ZNF195: variants seen among roughly 807,000 people sequenced by gnomAD.
The protein encoded by ZNF195 is zinc finger protein 195.
A neutral mutation model predicts 19.5 loss-of-function variants in ZNF195; 11 were observed. That is an observed-to-expected ratio of 0.57 (90% CI 0.36 to 0.94). ZNF195 has a LOEUF of 0.94. ZNF195 is among the 40% of genes least tolerant of loss of function. ZNF195 has a pLI of 0.01. For synonymous variants in ZNF195, 214 were observed against 248.1 expected, an observed-to-expected ratio of 0.86 and a Z score of 1.29; for missense variants, 582 against 709.0, an observed-to-expected ratio of 0.82 and a Z score of 2.03.
chr11:3,362,567 T>G lies in ZNF195; in HGVS notation c.227-678A>C. On this transcript the variant is annotated intron_variant, in intron 3 of 5. Coordinates refer to ENST00000399602, the MANE Select transcript of ZNF195 (RefSeq NM_001130520.3). The stretch of plus-strand genomic sequence containing the variant: ...ATACCTTGTTGTAACTTTAAGATGT[T>G]TTATATAATTTCCATGGTAACCACA... 8.3e-6 allele frequency: 5 copies of G among 600,712 alleles called. No individual in the cohort carries two copies. The East Asian group carries it at 1.4e-4, about 17-fold the overall frequency. 37.2% of individuals were successfully genotyped at this position (600,712 alleles called of 1,614,324 possible). A position where few individuals can be genotyped will look rare whatever the true frequency, so the allele number is the denominator to read the frequency against.
chr11:3,360,154 G>C lies in ZNF195; in HGVS notation c.854C>G (p.Ser285Ter). The C allele has an allele frequency of 1.2e-6, 2 of 1,613,988 alleles. No individual in the cohort carries two copies. The highest frequency in any genetic ancestry group is 1.7e-6 in the Non-Finnish European group (2 of 1,179,944). ...GECGKTFIQC[S>*]HFTEPENIDT... The stretch of plus-strand genomic sequence containing the variant: ...AATGTTCTCAGGTTCAGTAAAGTGT[G>C]AGCACTGGATAAAGGTTTTGCCACA... The change falls in exon 6 of 6, where the codon TCA becomes TGA. Residue 285 changes from serine to a stop codon, truncating the protein, a stop_gained. Coordinates refer to ENST00000399602, the MANE Select transcript of ZNF195 (RefSeq NM_001130520.3). LOFTEE classifies it low-confidence loss of function (END_TRUNC).
intron 4 of ZNF195, 54 bp from the exon 5 acceptor site, chr11:3,360,842 C>T: frequency 6.8e-7 from 1 of 1,464,782 alleles, no homozygotes; most frequent in Non-Finnish European, 9.3e-7. Flanking sequence ...ACTGCAGCCC[C>T]CGCTCCTCCG....
chr11:3,372,102 G>A (rs752399491), intron 1 of ZNF195, among the ~76,000 whole-genome samples: 10 of 152,156 alleles, frequency 6.6e-5, no homozygotes, highest in Non-Finnish European at 1.5e-4. Context: ...CTGAGTTTCC[G>A]AATTTCTAAC....
At chr11:3,362,818 T>G (rs1398148459) in intron 3 of ZNF195, 4 of 274,308 alleles carry the variant, frequency 1.5e-5, no homozygotes, top group Non-Finnish European at 2.7e-5. Context: ...CAAACTAAGA[T>G]CAAACTACAG....
intron 3 of ZNF195, among the ~76,000 whole-genome samples, chr11:3,363,699 T>G (rs1172230729): frequency 6.6e-6 from 1 of 152,178 alleles, no homozygotes; most frequent in Non-Finnish European, 1.5e-5. Context: ...CAAGGGGCTG[T>G]AAAGCACCCA....
In ZNF195 at chr11:3,358,739, G is replaced by T; in HGVS notation, c.*379C>A. On this transcript the variant is annotated 3_prime_UTR_variant, in exon 6 of 6. Transcript: ENST00000399602. ...GATGTCTCTGTAGACTCAACACAGGGATTCAGTGTCATTTCTGAACGTGTC... is the reference window on the plus strand; with the variant it reads ...GATGTCTCTGTAGACTCAACACAGGTATTCAGTGTCATTTCTGAACGTGTC... 1 of 3,774 alleles carries T rather than the reference G, an allele frequency of 2.6e-4. No individual in the cohort carries two copies. Among genetic ancestry groups the T allele is most frequent in the Admixed American group, 2.9e-3 (1 of 348 alleles). 0.2% of individuals were successfully genotyped at this position (3,774 alleles called of 1,614,324 possible). A position where few individuals can be genotyped will look rare whatever the true frequency, so the allele number is the denominator to read the frequency against.
chr11:3,373,605 T>C (rs1367250695), intron 1 of ZNF195: 2 of 1,550,876 alleles, frequency 1.3e-6, no homozygotes, highest in Admixed American at 3.9e-5. Flanking sequence ...TTTCTCTTTC[T>C]CCTGCTTCTC....
At chr11:3,376,229 G>A (rs556390960) in intron 1 of ZNF195, among the ~76,000 whole-genome samples, 25 of 152,000 alleles carry the variant, frequency 1.6e-4, no homozygotes, top group African/African-American at 6.0e-4. Flanking sequence ...TGGCGCACCC[G>A]CAGGGGAGGC....
At chr11:3,378,003 C>G in intron 1 of ZNF195, 1 of 925,526 alleles carries the variant, frequency 1.1e-6, no homozygotes, top group Non-Finnish European at 1.3e-6. Context: ...AAACAGAAAA[C>G]AAATCTCTTA....
At position 3,360,370 on chromosome 11, in the gene ZNF195, C is replaced by T; in HGVS notation, c.638G>A (p.Ser213Asn). 6.2e-7 allele frequency: 1 copy of T among 1,606,298 alleles called. No individual in the cohort carries two copies. Among genetic ancestry groups the T allele is most frequent in the Non-Finnish European group, 8.5e-7 (1 of 1,175,806 alleles). Reference sequence around the variant, plus strand: ...ATATTTATTATATTGAAAGATTTTGCTATGGGTAGTTGATGAACATTGGTT... The same window carrying T: ...ATATTTATTATATTGAAAGATTTTGTTATGGGTAGTTGATGAACATTGGTT... Reference protein sequence around the residue: ...GLNQCSSTTHSKIFQYNKYVK... With the variant: ...GLNQCSSTTHNKIFQYNKYVK... Residue 213 changes from serine (S) to asparagine (N), a missense_variant, in exon 6 of 6, where the codon AGC (serine) becomes AAC (asparagine). By Grantham distance (46) the Ser-to-Asn change is conservative. Around this residue, in one of 3 missense-constraint regions of ZNF195, gnomAD observed 407 missense variants for 530.5 expected, o/e 0.77. Transcript: ENST00000399602.
At chr11:3,367,539 C>G (rs982906490) in intron 3 of ZNF195, among the ~76,000 whole-genome samples, 1 of 152,002 alleles carries the variant, frequency 6.6e-6, no homozygotes, top group African/African-American at 2.4e-5. Context: ...ATTTTAATGA[C>G]TAAGAGATAC....
rs755556851 is a variant in ZNF195 at position 3,358,309 on chromosome 11, G to A, written c.*809C>T. 14 of 152,158 alleles carry A rather than the reference G, an allele frequency of 9.2e-5. No individual in the cohort carries two copies. The highest frequency in any genetic ancestry group is 1.6e-4 in the Non-Finnish European group (11 of 68,040). The allele number at this position is 152,158 out of a possible 1,614,324, so 9.4% of individuals were successfully genotyped here. A position where few individuals can be genotyped will look rare whatever the true frequency, so the allele number is the denominator to read the frequency against. ...AGGGGAAGGGAACGGTCTGATCAGG[G>A]TGACCCTAACAGAAGAGTATTATTC... is the stretch of plus-strand genomic sequence containing the variant. On this transcript the variant is annotated 3_prime_UTR_variant, in exon 6 of 6. Transcript: ENST00000399602.
chr11:3,370,550 G>A (rs1439057044), intron 3 of ZNF195, among the ~76,000 whole-genome samples: 3 of 152,270 alleles, frequency 2.0e-5, no homozygotes, highest in East Asian at 3.9e-4. Flanking sequence ...ATCTGTTTAC[G>A]GGACTTCTGG....
Position 3,371,640 on chromosome 11 carries a change from G to A in ZNF195, c.67C>T (p.Leu23Phe), listed in dbSNP as rs1365263534. 6.2e-7 allele frequency: 1 copy of A among 1,613,992 alleles called. No individual in the cohort carries two copies. The highest frequency in any genetic ancestry group is 1.1e-5 in the South Asian group (1 of 91,062). The change falls in exon 2 of 6, where the codon CTC (leucine) becomes TTC (phenylalanine). Residue 23 changes from leucine (L) to phenylalanine (F), a missense_variant. Transcript: ENST00000399602. ...TCCCTGTACAAATTCTGCTGAGCGA[G>A]GTCCAGGCATTTCCACTCCTCCAGG... ...FSLEEWKCLD[L>F]AQQNLYRDVM... is the part of the protein sequence containing the mutation.
intron 3 of ZNF195, among the ~76,000 whole-genome samples, chr11:3,365,648 A>T (rs1848841983): frequency 1.3e-5 from 2 of 152,264 alleles, no homozygotes; most frequent in South Asian, 4.1e-4. Context: ...TAGTTTAAGA[A>T]CAATAACTAG....
In ZNF195 at chr11:3,360,229, G is replaced by C. The variant is rs777865994; in HGVS notation, c.779C>G (p.Thr260Ser). The C allele has an allele frequency of 6.8e-6, 11 of 1,614,016 alleles. No homozygotes were observed. Among genetic ancestry groups the C allele is most frequent in the Non-Finnish European group, 3.4e-6 (4 of 1,180,008 alleles). The change falls in exon 6 of 6, where the codon ACT becomes AGT. Residue 260 changes from threonine (T) to serine (S), a missense_variant. Around this residue, in one of 3 missense-constraint regions of ZNF195, gnomAD observed 407 missense variants for 530.5 expected, o/e 0.77. Coordinates refer to ENST00000399602, the MANE Select transcript of ZNF195 (RefSeq NM_001130520.3). ...TCCAGTGTGAATTTTCTGATGTTCA[G>C]TTAGGAATGAGAGCATTTGAAAGGA... The part of the protein sequence containing the change: ...GKSFQMLSFL[T>S]EHQKIHTGKK...
intron 3 of ZNF195, among the ~76,000 whole-genome samples, chr11:3,369,026 A>G (rs1989784): frequency 6.6e-6 from 1 of 152,190 alleles, no homozygotes; most frequent in Non-Finnish European, 1.5e-5. Flanking sequence ...ACACGACACC[A>G]AAAGTACAGC....
chr11:3,372,081 G>A (rs973392218), intron 1 of ZNF195, among the ~76,000 whole-genome samples: 19 of 152,258 alleles, frequency 1.2e-4, no homozygotes, highest in African/African-American at 3.9e-4. Flanking sequence ...TCAGGAAATC[G>A]GAGGTCAAGG....
At chr11:3,362,192 C>G (rs1848667880) in intron 3 of ZNF195, 1 of 255,430 alleles carries the variant, frequency 3.9e-6, no homozygotes. Context: ...CTAACATAAC[C>G]AAGGGCTACA....
Sources: gnomAD v4.1 joint callset for allele counts (sites outside exome capture counted in the v4.1 genomes callset) on GRCh38, gnomAD v4.1.1 for gene constraint, gnomAD v4.1.1 regional missense constraint, MANE v1.5 for transcripts, NCBI Gene and HGNC (gene_info 2026-07-23, HGNC 2026-07-21) for gene names.